The following RLF variants were observed in gnomAD, a reference collection of about 807,000 sequenced individuals.
RLF encodes RLF zinc finger.
A neutral mutation model predicts 162.9 loss-of-function variants in RLF; 7 were observed. That is an observed-to-expected ratio of 0.04 (90% CI 0.02 to 0.08). The LOEUF (loss-of-function observed/expected upper bound fraction) is 0.08, where lower values mean the gene tolerates loss of function less well. Ranked by LOEUF, RLF falls within the 10% of genes least tolerant of loss-of-function variation. The pLI is 1.00. For missense variants in RLF, 1,664 were observed against 2,244.7 expected (o/e 0.74, Z 5.23); for synonymous variants, 782 against 791.5 (o/e 0.99, Z 0.20).
At chr1:40,193,327 G>A (rs1255309747) in intron 3 of RLF, among the ~76,000 whole-genome samples, 1 of 151,914 alleles carries the variant, frequency 6.6e-6, no homozygotes, top group East Asian at 1.9e-4. Context: ...GATGTCTATT[G>A]GTAACAAAGG....
At chr1:40,166,545 A>G (rs981505189) in intron 1 of RLF, among the ~76,000 whole-genome samples, 1 of 152,070 alleles carries the variant, frequency 6.6e-6, no homozygotes, top group Non-Finnish European at 1.5e-5. Flanking sequence ...CTTTAAGGAC[A>G]CAGGCACACG....
At chr1:40,207,643 C>T (rs1425447169) in intron 5 of RLF, among the ~76,000 whole-genome samples, 1 of 152,100 alleles carries the variant, frequency 6.6e-6, no homozygotes, top group African/African-American at 2.4e-5. Flanking sequence ...GAGACAGAGT[C>T]TCTGTCGCCC....
chr1:40,239,913 C>G lies in RLF; in HGVS notation c.5211C>G (p.Asn1737Lys). ...ETRQHSSGQE[N>K]TVKNPTHVPK... ...GGCAGCATAGTTCAGGGCAAGAAAA[C>G]ACTGTAAAAAATCCAACCCATGTCC... The change falls in exon 8 of 8, where the codon AAC becomes AAG. Residue 1737 changes from asparagine to lysine, a missense_variant. Physicochemically the swap from Asn to Lys is moderately conservative, Grantham distance 94. Coordinates refer to ENST00000372771, the MANE Select transcript of RLF (RefSeq NM_012421.4). 6.2e-7 allele frequency: 1 copy of G among 1,613,652 alleles called. No homozygotes were observed. The highest frequency in any genetic ancestry group is 8.5e-7 in the Non-Finnish European group (1 of 1,180,012).
At chr1:40,171,149 C>T (rs1557736995) in intron 1 of RLF, among the ~76,000 whole-genome samples, 1 of 152,166 alleles carries the variant, frequency 6.6e-6, no homozygotes, top group South Asian at 2.1e-4. Context: ...ACCCCAGCCT[C>T]TCAAATATCT....
intron 6 of RLF, among the ~76,000 whole-genome samples, chr1:40,225,321 G>A (rs1188914969): frequency 2.0e-5 from 3 of 152,118 alleles, no homozygotes; most frequent in African/African-American, 4.8e-5. Context: ...GCTCACGCCT[G>A]TAATCCCAGC....
chr1:40,178,282 C>T (rs1642354683), intron 1 of RLF, among the ~76,000 whole-genome samples: 2 of 151,982 alleles, frequency 1.3e-5, no homozygotes, highest in South Asian at 2.1e-4. Flanking sequence ...TGTTTGTCTA[C>T]TCTGATGCCA....
chr1:40,239,582 A>C lies in RLF; in HGVS notation c.4880A>C (p.His1627Pro), dbSNP rs768826089. ...GAATCAGAGCGCACAGAACACAGCC[A>C]TTCCCCGGGTGACAGTAGTGCACCC... ...SCESERTEHS[H>P]SPGDSSAPIQ... is the part of the protein sequence containing the mutation. The change falls in exon 8 of 8, where the codon CAT becomes CCT. Residue 1627 changes from histidine (H) to proline (P), a missense_variant. By Grantham distance (77) the His-to-Pro change is moderately conservative (BLOSUM62 -2). Around this residue, in one of 15 missense-constraint regions of RLF, gnomAD observed 327 missense variants for 342.7 expected, o/e 0.95. Transcript: ENST00000372771. The C allele has an allele frequency of 6.2e-7, 1 of 1,614,166 alleles. No homozygotes were observed. The highest frequency in any genetic ancestry group is 8.5e-7 in the Non-Finnish European group (1 of 1,180,032).
chr1:40,224,951 C>G (rs1479445098), intron 6 of RLF, among the ~76,000 whole-genome samples: 1 of 151,670 alleles, frequency 6.6e-6, no homozygotes, highest in African/African-American at 2.4e-5. Context: ...CATGCCAGCC[C>G]AGGAGACAAG....
chr1:40,201,298 A>G (rs1399349307), intron 4 of RLF, among the ~76,000 whole-genome samples: 1 of 151,734 alleles, frequency 6.6e-6, no homozygotes, highest in Non-Finnish European at 1.5e-5. Flanking sequence ...CTATGTAGTG[A>G]TGTCACATAC....
intron 4 of RLF, among the ~76,000 whole-genome samples, chr1:40,198,788 A>AT (rs1283187393): frequency 6.6e-6 from 1 of 152,172 alleles, no homozygotes; most frequent in Non-Finnish European, 1.5e-5. Context: ...CTAAAAAAAA[A>AT]TTTTGTATTG....
chr1:40,164,236 C>T (rs1266260452), intron 1 of RLF, among the ~76,000 whole-genome samples: 3 of 152,148 alleles, frequency 2.0e-5, no homozygotes, highest in Admixed American at 6.6e-5. Flanking sequence ...TTAGAAATGT[C>T]CTAGAGACTT....
intron 7 of RLF, among the ~76,000 whole-genome samples, chr1:40,233,465 T>A (rs1442371284): frequency 1.3e-5 from 2 of 152,188 alleles, no homozygotes; most frequent in Non-Finnish European, 2.9e-5. Flanking sequence ...TGAATTATTT[T>A]AAAATTTAGC....
In RLF at chr1:40,214,542, G is replaced by T. The variant is rs1642899524; in HGVS notation, c.811-8032G>T. Among the ~76,000 whole-genome samples, 5 of 152,206 alleles carry T rather than the reference G, an allele frequency of 3.3e-5. No individual in the cohort carries two copies. The South Asian group carries it at 1.0e-3, about 32-fold the overall frequency. ...TTGGGGGTTTTACAAATAAATTTTA[G>T]CAAGTAGGCTAATACACAAATACAG... On this transcript the variant is annotated intron_variant, in intron 5 of 7. Transcript: ENST00000372771.
rs1643216220 is a variant in RLF at position 40,236,250 on chromosome 1, G to C, written c.1548G>C (p.Glu516Asp). The change falls in exon 8 of 8, where the codon GAG (glutamate) becomes GAC (aspartate). Residue 516 changes from glutamate (E) to aspartate (D), a missense_variant. By Grantham distance (45) the Glu-to-Asp change is conservative. This residue lies in a region of RLF where 54 missense variants were observed against 71.7 expected (regional missense o/e 0.75). Coordinates refer to ENST00000372771, the MANE Select transcript of RLF (RefSeq NM_012421.4). This position sits in a 1 kb window ranked among gnomAD's most constrained non-coding sequence, Gnocchi z 7.7. ...VLESFLSDYD[E>D]GKEDKQYRRR... ...AGTCATTTCTCAGTGACTATGATGA[G>C]GGTAAAGAAGATAAACAATATAGAA... 1.2e-6 allele frequency: 2 copies of C among 1,613,614 alleles called. No individual in the cohort carries two copies. The highest frequency in any genetic ancestry group is 3.3e-5 in the Admixed American group (2 of 59,978).
At chr1:40,194,807 G>GTTATTTATTTAT (rs56209515) in intron 3 of RLF, among the ~76,000 whole-genome samples, 10 of 144,146 alleles carry the variant, frequency 6.9e-5, no homozygotes, top group South Asian at 2.3e-4. Flanking sequence ...AAACATCCTA[G>GTTATTTATTTAT]TTATTTATTT....
chr1:40,173,012 A>G (rs1243880312), intron 1 of RLF, among the ~76,000 whole-genome samples: 1 of 151,872 alleles, frequency 6.6e-6, no homozygotes, highest in Non-Finnish European at 1.5e-5. Context: ...TTAATATTTG[A>G]CAATCTGATA....
intron 1 of RLF, among the ~76,000 whole-genome samples, chr1:40,162,850 T>G (rs1217411669): frequency 1.3e-5 from 2 of 152,242 alleles, no homozygotes; most frequent in South Asian, 2.1e-4. Context: ...CTCTGCTTCC[T>G]TAGTAGTAGT....
At chr1:40,182,178 A>G (rs779047753) in intron 1 of RLF, among the ~76,000 whole-genome samples, 11 of 152,172 alleles carry the variant, frequency 7.2e-5, no homozygotes, top group Non-Finnish European at 1.3e-4. Context: ...TCATGCCTGT[A>G]ATTCCAGCAC....
Position 40,238,816 on chromosome 1 carries a change from C to G in RLF, c.4114C>G (p.Arg1372Gly), listed in dbSNP as rs867287727. 1.2e-5 allele frequency: 20 copies of G among 1,613,544 alleles called. No homozygotes were observed. The highest frequency in any genetic ancestry group is 1.6e-5 in the Non-Finnish European group (19 of 1,179,806). ...FACKYKECNK[R>G]FLCSKALAKH... Reference sequence around the variant, plus strand: ...TTGCAAATATAAGGAATGTAATAAACGCTTCCTGTGTTCCAAAGCTCTTGC... The same window carrying G: ...TTGCAAATATAAGGAATGTAATAAAGGCTTCCTGTGTTCCAAAGCTCTTGC... Residue 1372 changes from arginine (R) to glycine (G), a missense_variant, in exon 8 of 8, where the codon CGC (arginine) becomes GGC (glycine). Arg to Gly is a moderately radical substitution (Grantham distance 125). Transcript: ENST00000372771. This position sits in a 1 kb window ranked among gnomAD's most constrained non-coding sequence, Gnocchi z 5.2.
Sources: allele counts gnomAD v4.1 joint callset (sites outside exome capture counted in the v4.1 genomes callset), GRCh38; gene constraint gnomAD v4.1.1; regional missense constraint gnomAD v4.1.1; non-coding constraint Gnocchi (gnomAD v3.1); transcripts MANE v1.5; gene names NCBI Gene and HGNC (gene_info 2026-07-23, HGNC 2026-07-21).